Variants in ACSL5 observed in about 807,000 individuals in gnomAD.
ACSL5 encodes the protein acyl-CoA synthetase long chain family member 5.
Under a neutral mutation model 84.9 loss-of-function variants are expected in ACSL5, and 50 were observed. The ratio of observed to expected loss-of-function variants is 0.59; its 90% CI spans 0.47 to 0.75. The LOEUF is 0.75. Among genes scored for constraint, ACSL5 ranks in the 30% least tolerant of loss-of-function variants. The pLI, the probability that ACSL5 is intolerant of heterozygous loss-of-function variation, is 0.00. For synonymous variants in ACSL5, 280 were observed against 300.7 expected (o/e 0.93, Z 0.71); for missense variants, 775 against 830.4 (o/e 0.93, Z 0.82).
At chr10:112,401,792 CTTTCTTTCTTTCTTTCTTTCTT>C (rs1843901890) in intron 3 of ACSL5, among the ~76,000 whole-genome samples, 4 of 94,756 alleles carry the variant, frequency 4.2e-5, no homozygotes, top group African/African-American at 7.3e-5. Flanking sequence ...CTTTCTCTTT[CTTTCTTTCTTTCTTTCTTTCTT>C]TCTTTCTTTC....
At chr10:112,406,865 C>T (rs1844051235) in intron 5 of ACSL5, among the ~76,000 whole-genome samples, 1 of 152,170 alleles carries the variant, frequency 6.6e-6, no homozygotes, top group Non-Finnish European at 1.5e-5. Flanking sequence ...TGAGAACTCA[C>T]TCACTGTCAC....
intron 17 of ACSL5, 32 bp downstream of exon 17, chr10:112,422,473 A>G (rs1304484721): frequency 6.3e-7 from 1 of 1,585,372 alleles, no homozygotes. Flanking sequence ...CTGGAAGTCT[A>G]TGCTAATGGA....
At position 112,404,525 on chromosome 10, in the gene ACSL5, T is replaced by C. The variant is rs1471473399; in HGVS notation, c.280T>C (p.Leu94=). 3.7e-6 allele frequency: 6 copies of C among 1,613,456 alleles called. No individual in the cohort carries two copies. The highest frequency in any genetic ancestry group is 5.1e-6 in the Non-Finnish European group (6 of 1,179,516). Residue 94 remains leucine (L), a synonymous_variant, in exon 4 of 21, where the codon TTG becomes CTG. Transcript: ENST00000354655. ...TATGTTTTTAGACAATGGGCCCTGCTTGGGATATAGAAAACCAAACCAGCC... is the reference window on the plus strand; with the variant it reads ...TATGTTTTTAGACAATGGGCCCTGCCTGGGATATAGAAAACCAAACCAGCC... ...GLAVSDNGPC[L]GYRKPNQPYR...
At chr10:112,379,414 GA>G (rs5787960) in intron 1 of ACSL5, among the ~76,000 whole-genome samples, 28 of 141,840 alleles carry the variant, frequency 2.0e-4, no homozygotes, top group African/African-American at 5.8e-4. Flanking sequence ...TCAAAAAAAA[GA>G]AAAAAAAAAA....
chr10:112,375,936 C>T lies in ACSL5; in HGVS notation c.-30+1667C>T, dbSNP rs548140203. On this transcript the variant is annotated intron_variant, in intron 1 of 20. Transcript: ENST00000354655. Reference sequence around the variant, plus strand: ...GCCAGACTTTCCTGTCCTCCGAATCCAGCAGGGAACAGCGTCACCTCTGCC... The same window carrying T: ...GCCAGACTTTCCTGTCCTCCGAATCTAGCAGGGAACAGCGTCACCTCTGCC... 3.9e-5 allele frequency among the ~76,000 whole-genome samples: 6 copies of T among 152,272 alleles called. No individual in the cohort carries two copies. In the East Asian group the frequency reaches 7.7e-4, roughly 20 times the overall value.
At chr10:112,400,957 T>G (rs922103932) in intron 3 of ACSL5, among the ~76,000 whole-genome samples, 1 of 152,214 alleles carries the variant, frequency 6.6e-6, no homozygotes, top group Non-Finnish European at 1.5e-5. Context: ...ACATGAGAGA[T>G]ATAATTTAGG....
intron 12 of ACSL5, 37 bp downstream of exon 12, chr10:112,413,344 G>C: frequency 3.7e-6 from 6 of 1,611,858 alleles, no homozygotes; most frequent in Non-Finnish European, 5.1e-6. Context: ...TCTGTGACTT[G>C]GGCCTGCACG....
intron 14 of ACSL5, chr10:112,419,592 G>C (rs1458128639): frequency 6.6e-6 from 1 of 152,124 alleles, no homozygotes; most frequent in Non-Finnish European, 1.5e-5. Context: ...CATTTCCTTG[G>C]AACATCATGT....
intron 1 of ACSL5, among the ~76,000 whole-genome samples, chr10:112,377,262 G>A (rs551842594): frequency 4.6e-5 from 7 of 152,280 alleles, no homozygotes; most frequent in African/African-American, 9.6e-5. Flanking sequence ...AGTTAAGGCC[G>A]GGCGCAGTGA....
intron 1 of ACSL5, among the ~76,000 whole-genome samples, chr10:112,379,414 GAAA>G (rs5787960): frequency 7.0e-6 from 1 of 141,850 alleles, no homozygotes; most frequent in African/African-American, 2.6e-5. Context: ...TCAAAAAAAA[GAAA>G]AAAAAAAAAA....
At chr10:112,420,210 GC>G (rs531689515) in intron 14 of ACSL5, among the ~76,000 whole-genome samples, 9 of 152,138 alleles carry the variant, frequency 5.9e-5, no homozygotes, top group African/African-American at 1.7e-4. Context: ...TCTTCTCTAA[GC>G]CTTCCTCTCT....
chr10:112,423,001 A>C (rs1844518600), intron 17 of ACSL5, among the ~76,000 whole-genome samples: 1 of 148,756 alleles, frequency 6.7e-6, no homozygotes, highest in Non-Finnish European at 1.5e-5. Flanking sequence ...ATCCTGGCTA[A>C]CACGGTGAAA....
chr10:112,377,668 G>A (rs931577160), intron 1 of ACSL5, among the ~76,000 whole-genome samples: 4 of 152,126 alleles, frequency 2.6e-5, no homozygotes, highest in Admixed American at 2.0e-4. Flanking sequence ...AGTCCCCTCC[G>A]ATTGATCAGT....
Position 112,404,825 on chromosome 10 carries a change from A to G in ACSL5, c.432+19A>G, listed in dbSNP as rs1843992921. 3.1e-6 allele frequency: 5 copies of G among 1,590,608 alleles called. No homozygotes were observed. Among genetic ancestry groups the G allele is most frequent in the African/African-American group, 2.7e-5 (2 of 74,344 alleles). ...GCCAGAGGTAACTATGTTGAAGTTA[A>G]CTAAAGGAAATGAGTCAGGGTTAAG... On this transcript the variant is annotated intron_variant, in intron 5 of 20. Coordinates refer to ENST00000354655, the MANE Select transcript of ACSL5 (RefSeq NM_203379.2).
intron 1 of ACSL5, among the ~76,000 whole-genome samples, chr10:112,387,135 A>G (rs1200716225): frequency 3.9e-5 from 6 of 152,176 alleles, no homozygotes; most frequent in Admixed American, 1.3e-4. Flanking sequence ...TTGGGGGACA[A>G]TCTACTGGGC....
chr10:112,417,739 T>C, intron 13 of ACSL5, 107 bp from the exon 14 acceptor site: 1 of 854,952 alleles, frequency 1.2e-6, no homozygotes, highest in Non-Finnish European at 2.0e-6. Flanking sequence ...TTGATGTCAG[T>C]TTAATTCTCA....
chr10:112,412,671 T>G (rs925954575), intron 11 of ACSL5: 2 of 152,918 alleles, frequency 1.3e-5, no homozygotes, highest in Non-Finnish European at 2.9e-5. Context: ...AATGCAAGAT[T>G]CAGTTCTTTG....
rs1844725088 is a variant in ACSL5, at chr10:112,426,541, T to C, written c.1839+182T>C. The stretch of plus-strand genomic sequence containing the variant: ...AAACTCTCTTTTCTATTTAAAATAA[T>C]ATGTTCATTGTGGGAAAAGATTGGG... On this transcript the variant is annotated intron_variant, in intron 19 of 20. Transcript: ENST00000354655. The C allele has an allele frequency of 6.4e-6, 4 of 624,074 alleles. No homozygotes were observed. The East Asian group carries it at 1.1e-4, about 17-fold the overall frequency. 38.7% of individuals were successfully genotyped at this position (624,074 alleles called of 1,614,324 possible).
intron 1 of ACSL5, 97 bp from the exon 2 acceptor site, chr10:112,394,807 CGCGTGTGTGTGTGT>C: frequency 2.0e-6 from 3 of 1,512,542 alleles, no homozygotes; most frequent in Non-Finnish European, 2.6e-6. Flanking sequence ...AAGGCGTGCG[CGCGTGTGTGTGTGT>C]ATGTGTGTGT....
Sources: allele counts gnomAD v4.1 joint callset (sites outside exome capture counted in the v4.1 genomes callset), GRCh38; gene constraint gnomAD v4.1.1; transcripts MANE v1.5; gene names NCBI Gene and HGNC (gene_info 2026-07-23, HGNC 2026-07-21).